Variants in FMN2 observed in about 807,000 individuals in gnomAD.
The protein encoded by FMN2 is formin-2.
In FMN2, 51 loss-of-function variants were observed where a neutral mutation model predicts 142.3. The observed-to-expected ratio is 0.36, with a 90% CI of 0.29 to 0.45. The LOEUF is 0.45. FMN2 is among the 20% of genes least tolerant of loss of function. FMN2 has a pLI of 1.00. For missense variants in FMN2, 1,936 were observed against 2,122.8 expected (o/e 0.91, Z 1.73); for synonymous variants, 882 against 869.8 (o/e 1.01, Z -0.25).
At chr1:240,395,039 A>G (rs1387569430) in intron 15 of FMN2, among the ~76,000 whole-genome samples, 1 of 152,158 alleles carries the variant, frequency 6.6e-6, no homozygotes, top group Non-Finnish European at 1.5e-5. Flanking sequence ...TTGTTAGGGG[A>G]TAATGCAGCT....
chr1:240,418,673 G>T (rs966123136), intron 15 of FMN2, among the ~76,000 whole-genome samples: 1 of 152,210 alleles, frequency 6.6e-6, no homozygotes, highest in Non-Finnish European at 1.5e-5. Context: ...TGGTCCAAAA[G>T]ATGGCCAACG....
intron 15 of FMN2, among the ~76,000 whole-genome samples, chr1:240,417,201 T>C (rs112026194): frequency 1.0e-3 from 155 of 149,954 alleles, no homozygotes; most frequent in African/African-American, 3.7e-3. Flanking sequence ...GAAGAATCAG[T>C]TTGCCCTGTG....
chr1:240,261,856 T>C (rs552673850), intron 7 of FMN2, among the ~76,000 whole-genome samples: 2 of 152,298 alleles, frequency 1.3e-5, no homozygotes, highest in South Asian at 2.1e-4. Flanking sequence ...CCTACAGTTA[T>C]AATACCTCTG....
intron 2 of FMN2, among the ~76,000 whole-genome samples, chr1:240,165,538 T>C (rs1312418175): frequency 6.6e-6 from 1 of 152,170 alleles, no homozygotes; most frequent in African/African-American, 2.4e-5. Flanking sequence ...AAAATGTGAG[T>C]CTGATAACAA....
At chr1:240,278,735 TGA>T (rs1465997128) in intron 7 of FMN2, among the ~76,000 whole-genome samples, 9 of 152,322 alleles carry the variant, frequency 5.9e-5, no homozygotes, top group Admixed American at 3.9e-4. Flanking sequence ...TTGCACATCT[TGA>T]AAATAAGAAA....
At chr1:240,117,027 G>C (rs1324904950) in intron 1 of FMN2, among the ~76,000 whole-genome samples, 1 of 152,082 alleles carries the variant, frequency 6.6e-6, no homozygotes, top group African/African-American at 2.4e-5. Context: ...GTCCAGCAAA[G>C]AGGGAGGTGT....
chr1:240,272,487 T>C (rs17626030), intron 7 of FMN2, among the ~76,000 whole-genome samples: 22,172 of 152,202 alleles, frequency 0.15, 1,722 homozygotes, highest in Middle Eastern at 0.26. Context: ...AATTGGCTGA[T>C]TGAAAGTTCT....
intron 6 of FMN2, chr1:240,245,634 A>G: frequency 2.1e-6 from 1 of 470,486 alleles, no homozygotes; most frequent in South Asian, 1.5e-5. Context: ...CCTGATGTGT[A>G]GTAGGGGTAT....
intron 2 of FMN2, among the ~76,000 whole-genome samples, chr1:240,150,810 A>G (rs1663733270): frequency 6.6e-6 from 1 of 152,174 alleles, no homozygotes; most frequent in Admixed American, 6.5e-5. Context: ...AGATCTAGGT[A>G]TGATAAACTC....
At chr1:240,130,501 A>G (rs1662691945) in intron 2 of FMN2, among the ~76,000 whole-genome samples, 1 of 152,082 alleles carries the variant, frequency 6.6e-6, no homozygotes, top group Non-Finnish European at 1.5e-5. Flanking sequence ...ACAGGGTTTC[A>G]CTGTGTTGGC....
At chr1:240,308,328 T>C (rs1670483554) in intron 8 of FMN2, among the ~76,000 whole-genome samples, 1 of 152,206 alleles carries the variant, frequency 6.6e-6, no homozygotes, top group African/African-American at 2.4e-5. Context: ...CTTGTAGAAC[T>C]TTGTAAGACT....
At chr1:240,430,031 G>A (rs140955818) in intron 15 of FMN2, among the ~76,000 whole-genome samples, 3,394 of 151,882 alleles carry the variant, frequency 0.022, 110 homozygotes, top group African/African-American at 0.077. Flanking sequence ...GACTACAGGC[G>A]CCCACCACCG....
At chr1:240,212,585 A>G (rs1421305281) in intron 6 of FMN2, among the ~76,000 whole-genome samples, 1 of 152,166 alleles carries the variant, frequency 6.6e-6, no homozygotes, top group Non-Finnish European at 1.5e-5. Flanking sequence ...GTGATTAAAA[A>G]CCAGAAGGTT....
Position 240,259,468 on chromosome 1 carries a change from C to T in FMN2, c.4153+1436C>T, listed in dbSNP as rs147538356. Among the ~76,000 whole-genome samples, 673 of 147,584 alleles carry T rather than the reference C, an allele frequency of 4.6e-3. 2 individuals carry two copies. Among genetic ancestry groups the T allele is most frequent in the Middle Eastern group, 0.025 (7 of 278 alleles). On this transcript the variant is annotated intron_variant, in intron 7 of 17. Transcript: ENST00000319653. ...TAGGATGTGAAGTGATTGCTTTAGT[C>T]CCTTTGAAACCCTGTACACTTTTTT...
At chr1:240,455,263 TGGTGGCTCACC>T in intron 16 of FMN2, among the ~76,000 whole-genome samples, 1 of 107,696 alleles carries the variant, frequency 9.3e-6, no homozygotes, top group Middle Eastern at 5.0e-3. Context: ...CGGCCAGGTG[TGGTGGCTCACC>T]GGGGCAGGAG....
At chr1:240,209,799 G>A (rs1481868147) in intron 5 of FMN2, among the ~76,000 whole-genome samples, 1 of 151,708 alleles carries the variant, frequency 6.6e-6, no homozygotes, top group Non-Finnish European at 1.5e-5. Flanking sequence ...AGCTACTCGG[G>A]AGGCTGAGGC....
At chr1:240,440,494 AT>A (rs71799547) in intron 16 of FMN2, among the ~76,000 whole-genome samples, 20,783 of 151,824 alleles carry the variant, frequency 0.14, 1,987 homozygotes, top group East Asian at 0.31. Context: ...AGCTAGATCC[AT>A]TTTTTTTGGT....
intron 2 of FMN2, among the ~76,000 whole-genome samples, 165 bp downstream of exon 2, chr1:240,123,510 A>C (rs1481417301): frequency 1.3e-5 from 2 of 150,746 alleles, no homozygotes. Flanking sequence ...GTACACAAAA[A>C]AAAAAAAAAA....
chr1:240,123,093 A>G (rs1662347420), intron 1 of FMN2, 86 bp from the exon 2 acceptor site: 1 of 1,441,664 alleles, frequency 6.9e-7, no homozygotes, highest in Non-Finnish European at 9.5e-7. Flanking sequence ...GTTCCCTGGC[A>G]GTGTTTACCC....
Sources: gnomAD v4.1 joint callset for allele counts (sites outside exome capture counted in the v4.1 genomes callset) on GRCh38, gnomAD v4.1.1 for gene constraint, MANE v1.5 for transcripts, NCBI Gene and HGNC (gene_info 2026-07-23, HGNC 2026-07-21) for gene names.